MEGF6: variants seen among roughly 807,000 people sequenced by gnomAD.
MEGF6 encodes the protein multiple EGF like domains 6.
MEGF6 carries 184 observed loss-of-function variants against 207.1 expected under a neutral mutation model. That is an observed-to-expected ratio of 0.89 (90% confidence interval 0.79 to 1.00). The LOEUF (loss-of-function observed/expected upper bound fraction) is 1.00. MEGF6 is among the 50% of genes least tolerant of loss of function. The pLI, the probability that MEGF6 is intolerant of heterozygous loss-of-function variation, is 0.00. For missense variants in MEGF6, 2,282 were observed against 2,202.9 expected (o/e 1.04, Z -0.72); for synonymous variants, 1,038 against 910.0 (o/e 1.14, Z -2.53).
chr1:3,566,721 G>T (rs893637924), intron 4 of MEGF6, among the ~76,000 whole-genome samples: 44 of 152,216 alleles, frequency 2.9e-4, no homozygotes, highest in Non-Finnish European at 6.0e-4. Context: ...ACAGAGTCCA[G>T]GTCAGCTGCC....
chr1:3,499,660 C>T lies in MEGF6; in HGVS notation c.2893G>A (p.Gly965Arg), dbSNP rs779065913. 6.9e-6 allele frequency: 11 copies of T among 1,596,996 alleles called. No homozygotes were observed. The highest frequency in any genetic ancestry group is 3.5e-5 in the Admixed American group (2 of 57,848). The change falls in exon 23 of 37, where the codon GGA becomes AGA. Residue 965 changes from glycine to arginine, a missense_variant. Transcript: ENST00000356575. ...CCATTCACGGCATCACAGGCAGCTCCGGCGGTGCAGTTGCAGGCACTGCGA... is the reference window on the plus strand; with the variant it reads ...CCATTCACGGCATCACAGGCAGCTCTGGCGGTGCAGTTGCAGGCACTGCGA... ...DCRSACNCTA[G>R]AACDAVNGSC...
At chr1:3,538,118 G>A (rs758916440) in intron 4 of MEGF6, among the ~76,000 whole-genome samples, 3 of 152,188 alleles carry the variant, frequency 2.0e-5, no homozygotes, top group Non-Finnish European at 4.4e-5. Flanking sequence ...ATGCCACCCC[G>A]CCCCTGCAAG....
intron 14 of MEGF6, among the ~76,000 whole-genome samples, chr1:3,506,789 G>C (rs775735467): frequency 6.6e-6 from 1 of 152,062 alleles, no homozygotes; most frequent in African/African-American, 2.4e-5. Context: ...CCAGGACCTG[G>C]AGACTAGGCA....
rs200407453 is a variant in MEGF6 at position 3,500,654 on chromosome 1, C to T, written c.2686G>A (p.Val896Met). 1.1e-3 allele frequency: 1,721 copies of T among 1,564,342 alleles called. 1 individual carries two copies. The highest frequency in any genetic ancestry group is 1.4e-3 in the Admixed American group (74 of 53,066). The change falls in exon 21 of 37, where the codon GTG becomes ATG. Residue 896 changes from valine (V) to methionine (M), a missense_variant. Coordinates refer to ENST00000356575, the MANE Select transcript of MEGF6 (RefSeq NM_001409.4). ...TCACGCTGCTCGCACCGCGGGCCCA[C>T]GTAGCCAGCCTCACACAGACACAGG... Reference protein sequence around the residue: ...SGLCLCEAGYVGPRCEQQCPQ... With the variant: ...SGLCLCEAGYMGPRCEQQCPQ...
At chr1:3,576,207 C>T (rs983425496) in intron 4 of MEGF6, among the ~76,000 whole-genome samples, 3 of 152,254 alleles carry the variant, frequency 2.0e-5, no homozygotes, top group African/African-American at 7.2e-5. Flanking sequence ...CAGACAGGCC[C>T]GCTTTGTGCT....
intron 7 of MEGF6, among the ~76,000 whole-genome samples, chr1:3,513,358 C>T (rs1005113981): frequency 6.0e-5 from 9 of 149,648 alleles, no homozygotes; most frequent in Admixed American, 2.0e-4. Flanking sequence ...ACTCCTGCCT[C>T]GGCATCCCGA....
chr1:3,530,100 G>A (rs868652790), intron 4 of MEGF6, among the ~76,000 whole-genome samples: 22 of 152,362 alleles, frequency 1.4e-4, no homozygotes, highest in Middle Eastern at 3.4e-3. Context: ...CTTCGCAGTC[G>A]CAAGGCATTT....
In MEGF6 at chr1:3,512,102, C is replaced by T; in HGVS notation, c.880G>A (p.Ala294Thr). ...TTGAGGCAGCCATGGGCACACTGGG[C>T]CAGCCCTGCGGCACATTCGTCCACA... ...EDVDECAAGL[A>T]QCAHGCLNTQ... is the part of the protein sequence containing the mutation. The change falls in exon 8 of 37, where the codon GCC becomes ACC. Residue 294 changes from alanine to threonine, a missense_variant. Physicochemically the swap from Ala to Thr is moderately conservative, Grantham distance 58 (BLOSUM62 0). Coordinates refer to ENST00000356575, the MANE Select transcript of MEGF6 (RefSeq NM_001409.4). 2 of 1,610,358 alleles carry T rather than the reference C, an allele frequency of 1.2e-6. No homozygotes were observed. Among genetic ancestry groups the T allele is most frequent in the South Asian group, 2.2e-5 (2 of 90,904 alleles).
intron 4 of MEGF6, among the ~76,000 whole-genome samples, chr1:3,540,894 C>T (rs145830950): frequency 6.8e-4 from 103 of 152,314 alleles, no homozygotes; most frequent in Non-Finnish European, 1.1e-3. Flanking sequence ...ATTCAGGTCG[C>T]GGCACCAGAT....
intron 4 of MEGF6, among the ~76,000 whole-genome samples, chr1:3,578,218 C>T (rs1294120380): frequency 2.6e-5 from 4 of 152,220 alleles, no homozygotes; most frequent in Admixed American, 6.5e-5. Flanking sequence ...GCCACAGCCC[C>T]GTCCCGGAAA....
At chr1:3,614,267 G>A (rs1390873441), upstream of MEGF6, among the ~76,000 whole-genome samples, 1 of 152,196 alleles carries the variant, frequency 6.6e-6, no homozygotes, top group East Asian at 1.9e-4. Flanking sequence ...TGCCCAGCCT[G>A]GTACTGGAGG....
At chr1:3,499,769 C>G (rs1640775132) in intron 22 of MEGF6, 27 bp downstream of exon 22, 6 of 1,577,760 alleles carry the variant, frequency 3.8e-6, no homozygotes, top group Admixed American at 1.8e-5. Context: ...GCCACCCAGC[C>G]TAGCCCCCGC....
At chr1:3,536,938 G>T (rs998351459) in intron 4 of MEGF6, among the ~76,000 whole-genome samples, 1 of 152,254 alleles carries the variant, frequency 6.6e-6, no homozygotes, top group Non-Finnish European at 1.5e-5. Context: ...TCCGACACCC[G>T]CTCCACAAGG....
intron 3 of MEGF6, among the ~76,000 whole-genome samples, chr1:3,589,625 G>A (rs567289769): frequency 2.0e-4 from 30 of 152,270 alleles, no homozygotes; most frequent in African/African-American, 6.7e-4. Context: ...CCTTTCCTGA[G>A]TGTCTCCTGC....
rs1243218288 is a variant in MEGF6 at position 3,490,813 on chromosome 1, G to A, written c.4564+99C>T. ...GGGGCCCAAGGCCCCGGGTGCAGCT[G>A]CTGCCCTGTGGGGCCCAGATTATAC... On this transcript the variant is annotated intron_variant, in intron 36 of 36. Transcript: ENST00000356575. 3.9e-5 allele frequency: 56 copies of A among 1,437,116 alleles called. 2 individuals are homozygous for A. The South Asian group carries it at 6.1e-4, about 16-fold the overall frequency. 89.0% of individuals were successfully genotyped at this position (1,437,116 alleles called of 1,614,324 possible).
chr1:3,496,534 AG>A (rs1405830595), intron 29 of MEGF6, 120 bp downstream of exon 29: 1 of 1,442,112 alleles, frequency 6.9e-7, no homozygotes, highest in Non-Finnish European at 9.4e-7. Context: ...GGCCAGGCCC[AG>A]CCAGAGGGGG....
intron 5 of MEGF6, among the ~76,000 whole-genome samples, chr1:3,519,687 G>T (rs1278865190): frequency 2.0e-5 from 3 of 152,238 alleles, no homozygotes; most frequent in Non-Finnish European, 2.9e-5. Context: ...CCAGGCGGCG[G>T]TCAGAGGGCA....
intron 4 of MEGF6, among the ~76,000 whole-genome samples, chr1:3,541,068 G>A (rs771068893): frequency 2.6e-5 from 4 of 152,176 alleles, no homozygotes; most frequent in Non-Finnish European, 5.9e-5. Context: ...GGGGCCAGGC[G>A]CAGGCTGGGG....
chr1:3,587,181 A>G (rs1489985974), intron 3 of MEGF6, among the ~76,000 whole-genome samples: 1 of 152,250 alleles, frequency 6.6e-6, no homozygotes, highest in Non-Finnish European at 1.5e-5. Context: ...ATTGCATGCA[A>G]CACAAACAAG....
Sources: allele counts gnomAD v4.1 joint callset (sites outside exome capture counted in the v4.1 genomes callset), GRCh38; gene constraint gnomAD v4.1.1; transcripts MANE v1.5; gene names NCBI Gene and HGNC (gene_info 2026-07-23, HGNC 2026-07-21).